Variants in UGT1A10 observed in about 807,000 individuals in gnomAD.
UGT1A10 encodes the protein UDP glucuronosyltransferase family 1 member A10, also known as UDP-glucuronosyltransferase 1A10.
In UGT1A10, 49 loss-of-function variants were observed where a neutral mutation model predicts 45.8. That is an observed-to-expected ratio of 1.07 (90% CI 0.85 to 1.36). The LOEUF is 1.36. UGT1A10 is among the 40% of genes most tolerant of loss of function. The probability of loss-of-function intolerance (pLI) is 0.00; values close to 1 mark genes in which losing one functional copy is unlikely to be tolerated. For synonymous variants in UGT1A10, 284 were observed against 249.7 expected, an observed-to-expected ratio of 1.14 and a Z score of -1.29; for missense variants, 745 against 668.6, an observed-to-expected ratio of 1.11 and a Z score of -1.26.
chr2:233,709,753 T>A (rs1405121833), intron 1 of UGT1A10, among the ~76,000 whole-genome samples: 1 of 152,244 alleles, frequency 6.6e-6, no homozygotes, highest in Non-Finnish European at 1.5e-5. Context: ...ATAAACATTA[T>A]TGGAGTATTA....
intron 1 of UGT1A10, among the ~76,000 whole-genome samples, chr2:233,716,254 A>C (rs1204855688): frequency 6.6e-6 from 1 of 152,204 alleles, no homozygotes; most frequent in Non-Finnish European, 1.5e-5. Flanking sequence ...GACATCCAGC[A>C]TAATCTCCCC....
At chr2:233,713,228 G>T (rs200357281) in intron 1 of UGT1A10, 1 of 1,614,210 alleles carries the variant, frequency 6.2e-7, no homozygotes, top group Admixed American at 1.7e-5. Context: ...CCCTGACAAC[G>T]TATGCCATTT....
intron 1 of UGT1A10, among the ~76,000 whole-genome samples, chr2:233,683,688 G>A (rs139130236): frequency 6.1e-4 from 93 of 151,852 alleles, no homozygotes; most frequent in Middle Eastern, 3.4e-3. Flanking sequence ...TTATTCCTCT[G>A]CATTTCATTA....
intron 1 of UGT1A10, among the ~76,000 whole-genome samples, chr2:233,696,651 C>T (rs2075353274): frequency 6.6e-6 from 1 of 152,116 alleles, no homozygotes. Flanking sequence ...GATAGGACTT[C>T]CAGTACTATG....
At chr2:233,637,739 A>G (rs2125460191) in intron 1 of UGT1A10, among the ~76,000 whole-genome samples, 1 of 152,338 alleles carries the variant, frequency 6.6e-6, no homozygotes, top group African/African-American at 2.4e-5. Flanking sequence ...TTTCATTGAA[A>G]AAAAGTATTT....
At chr2:233,758,413 A>G (rs578024460) in intron 1 of UGT1A10, among the ~76,000 whole-genome samples, 1 of 152,136 alleles carries the variant, frequency 6.6e-6, no homozygotes, top group African/African-American at 2.4e-5. Context: ...ACTGTCTATA[A>G]TCTGCAAATG....
chr2:233,642,293 T>A (rs1330757606), intron 1 of UGT1A10, among the ~76,000 whole-genome samples: 1 of 152,228 alleles, frequency 6.6e-6, no homozygotes, highest in African/African-American at 2.4e-5. Flanking sequence ...ATTCTGCTAT[T>A]AAAGGACTTT....
chr2:233,717,702 G>A, intron 1 of UGT1A10: 1 of 450,266 alleles, frequency 2.2e-6, no homozygotes, highest in Non-Finnish European at 4.5e-6. Flanking sequence ...TTCTGGAGCA[G>A]GACGAGCCTC....
chr2:233,752,759 A>G (rs942722882), intron 1 of UGT1A10, among the ~76,000 whole-genome samples: 3 of 152,242 alleles, frequency 2.0e-5, no homozygotes, highest in African/African-American at 7.2e-5. Context: ...ACAAACAAAC[A>G]AACAAACAAA....
intron 1 of UGT1A10, chr2:233,755,163 G>C: frequency 2.3e-6 from 3 of 1,285,674 alleles, no homozygotes; most frequent in Non-Finnish European, 3.2e-6. Flanking sequence ...CCTGTCCTCG[G>C]GGTTTTTGTC....
At chr2:233,682,873 A>G (rs1025684504) in intron 1 of UGT1A10, 2 of 1,521,660 alleles carry the variant, frequency 1.3e-6, no homozygotes, top group Non-Finnish European at 1.8e-6. Flanking sequence ...ATAATTTATC[A>G]TTTACATTTG....
At chr2:233,761,914 T>C (rs28900396) in intron 1 of UGT1A10, among the ~76,000 whole-genome samples, 9,111 of 152,302 alleles carry the variant, frequency 0.06, 854 homozygotes, top group African/African-American at 0.21. Flanking sequence ...GAGGATCTAC[T>C]GGCAGCCCAG....
intron 1 of UGT1A10, among the ~76,000 whole-genome samples, chr2:233,696,060 C>T (rs766076590): frequency 2.6e-5 from 4 of 152,240 alleles, no homozygotes; most frequent in Admixed American, 6.5e-5. Flanking sequence ...TAAATTAGTA[C>T]AGCCACTATG....
intron 1 of UGT1A10, among the ~76,000 whole-genome samples, chr2:233,671,069 G>A (rs896275323): frequency 2.6e-5 from 4 of 152,134 alleles, no homozygotes; most frequent in Admixed American, 2.0e-4. Context: ...TGAAAGGAGG[G>A]TGAAAACACA....
At chr2:233,650,892 CTATTACTTT>C (rs2073721701) in intron 1 of UGT1A10, among the ~76,000 whole-genome samples, 1 of 152,138 alleles carries the variant, frequency 6.6e-6, no homozygotes, top group African/African-American at 2.4e-5. Flanking sequence ...GATCCCTCAT[CTATTACTTT>C]TTTAGCAATG....
intron 1 of UGT1A10, among the ~76,000 whole-genome samples, chr2:233,653,287 C>T (rs1356192591): frequency 1.3e-5 from 2 of 152,304 alleles, no homozygotes; most frequent in Non-Finnish European, 1.5e-5. Flanking sequence ...GGCCACTTTA[C>T]ACCATAAAAT....
intron 1 of UGT1A10, among the ~76,000 whole-genome samples, chr2:233,736,165 G>A (rs533285485): frequency 1.2e-4 from 19 of 152,088 alleles, no homozygotes; most frequent in Non-Finnish European, 2.6e-4. Context: ...CGTAGATTTG[G>A]TCTTTCCACA....
intron 1 of UGT1A10, among the ~76,000 whole-genome samples, chr2:233,638,049 A>G (rs1009461710): frequency 9.2e-5 from 14 of 152,144 alleles, no homozygotes; most frequent in African/African-American, 3.1e-4. Context: ...CCTTGCGTGA[A>G]TATATTTCTA....
In UGT1A10 at chr2:233,636,813, A is replaced by G. The variant is rs147550983; in HGVS notation, c.291A>G (p.Gln97=). ...AATTCATGGTTTTCGCCCATGCTCAATGGAAAGCACAGGCACAAAGTATAT... is the reference window on the plus strand; with the variant it reads ...AATTCATGGTTTTCGCCCATGCTCAGTGGAAAGCACAGGCACAAAGTATAT... ...NREFMVFAHA[Q]WKAQAQSIFS... is the part of the protein sequence containing the mutation. The change falls in exon 1 of 5, where the codon CAA becomes CAG. Residue 97 remains glutamine, a synonymous_variant. Coordinates refer to ENST00000344644, the MANE Select transcript of UGT1A10 (RefSeq NM_019075.4). 49 of 1,614,090 alleles carry G rather than the reference A, an allele frequency of 3.0e-5. No individual in the cohort carries two copies. The African/African-American group carries it at 4.4e-4, about 15-fold the overall frequency.
Sources: gnomAD v4.1 joint callset for allele counts (sites outside exome capture counted in the v4.1 genomes callset) on GRCh38, gnomAD v4.1.1 for gene constraint, MANE v1.5 for transcripts, NCBI Gene and HGNC (gene_info 2026-07-23, HGNC 2026-07-21) for gene names.